The following PDE4D variants were observed in gnomAD, a reference collection of about 807,000 sequenced individuals.
The protein encoded by PDE4D is 3',5'-cyclic-AMP phosphodiesterase 4D.
PDE4D carries 24 observed loss-of-function variants against 87.4 expected under a neutral mutation model. The observed-to-expected ratio is 0.27, with a 90% confidence interval of 0.20 to 0.39. The LOEUF is 0.39. Ranked by LOEUF, PDE4D falls within the 10% of genes least tolerant of loss-of-function variation. The probability of loss-of-function intolerance (pLI) is 1.00; values close to 1 mark genes in which losing one functional copy is unlikely to be tolerated. For synonymous variants in PDE4D, 384 were observed against 383.2 expected, an observed-to-expected ratio of 1.00 and a Z score of -0.02; for missense variants, 714 against 1,041.0, an observed-to-expected ratio of 0.69 and a Z score of 4.32.
At chr5:59,781,166 CAAAAAAAAAA>C (rs11450737) in intron 1 of PDE4D, among the ~76,000 whole-genome samples, 2 of 69,120 alleles carry the variant, frequency 2.9e-5, no homozygotes, top group Non-Finnish European at 5.1e-5. Flanking sequence ...AACTCCTTCT[CAAAAAAAAAA>C]AAAAAAAAAA....
chr5:59,038,900 G>C lies in PDE4D; in HGVS notation c.880C>G (p.Leu294Val). 1 of 1,601,088 alleles carries C rather than the reference G, an allele frequency of 6.2e-7. No homozygotes were observed. The highest frequency in any genetic ancestry group is 1.1e-5 in the South Asian group (1 of 88,852). ...LDWCLDQLET[L>V]QTRHSVSEMA... ...TCACTGACGGAGTGCCTGGTCTGTA[G>C]GGTCTCTAGCTGGTCCAGACACCAG... Residue 294 changes from leucine to valine, a missense_variant, in exon 6 of 15, where the codon CTA becomes GTA. Around this residue, in one of 7 missense-constraint regions of PDE4D, gnomAD observed 90 missense variants for 177.6 expected, o/e 0.51. Coordinates refer to ENST00000340635, the MANE Select transcript of PDE4D (RefSeq NM_001104631.2).
intron 2 of PDE4D, among the ~76,000 whole-genome samples, chr5:60,109,701 G>A (rs1356807583): frequency 3.9e-5 from 6 of 152,282 alleles, no homozygotes; most frequent in Non-Finnish European, 7.3e-5. Context: ...ATGAGTTCAC[G>A]TCCTTTGTAG....
At chr5:59,499,661 T>C (rs1378798176) in intron 1 of PDE4D, among the ~76,000 whole-genome samples, 1 of 151,824 alleles carries the variant, frequency 6.6e-6, no homozygotes, top group Non-Finnish European at 1.5e-5. Context: ...GCACAAAAAC[T>C]AGAAAACCTA....
intron 5 of PDE4D, among the ~76,000 whole-genome samples, chr5:59,173,557 CATTAGATGT>C (rs949002404): frequency 3.3e-5 from 5 of 152,294 alleles, no homozygotes; most frequent in African/African-American, 1.2e-4. Context: ...ATCCGACAGT[CATTAGATGT>C]ATTAGATGCT....
At chr5:60,039,371 T>A (rs1285605930) in intron 2 of PDE4D, among the ~76,000 whole-genome samples, 5 of 143,622 alleles carry the variant, frequency 3.5e-5, no homozygotes, top group Admixed American at 7.2e-5. Context: ...CACTCATAGG[T>A]GGGAATTGAA....
At chr5:60,072,293 T>C (rs1345657630) in intron 2 of PDE4D, among the ~76,000 whole-genome samples, 3 of 152,198 alleles carry the variant, frequency 2.0e-5, no homozygotes, top group African/African-American at 7.2e-5. Flanking sequence ...TTTCATATGC[T>C]TGTTAGCTGC....
intron 1 of PDE4D, among the ~76,000 whole-genome samples, chr5:59,587,770 G>A (rs1367812005): frequency 6.6e-6 from 1 of 152,166 alleles, no homozygotes; most frequent in Non-Finnish European, 1.5e-5. Context: ...AGGGGTTAAA[G>A]GAATAGCTCG....
intron 1 of PDE4D, among the ~76,000 whole-genome samples, chr5:60,347,941 C>T (rs1758868211): frequency 1.3e-5 from 2 of 152,082 alleles, no homozygotes; most frequent in Admixed American, 6.6e-5. Flanking sequence ...TTGTTTTCTG[C>T]CGTTTTTGGA....
chr5:59,560,897 T>G (rs1350482727), intron 1 of PDE4D: 11 of 152,210 alleles, frequency 7.2e-5, no homozygotes. Context: ...GTATTTTATC[T>G]TCAGGGATCT....
At chr5:59,190,553 T>C (rs1292872340) in intron 3 of PDE4D, among the ~76,000 whole-genome samples, 5 of 152,174 alleles carry the variant, frequency 3.3e-5, no homozygotes, top group Non-Finnish European at 5.9e-5. Flanking sequence ...AATTATGGTA[T>C]ATCAGGACAA....
At chr5:59,834,962 A>T (rs527883958) in intron 1 of PDE4D, among the ~76,000 whole-genome samples, 1 of 152,130 alleles carries the variant, frequency 6.6e-6, no homozygotes, top group East Asian at 1.9e-4. Flanking sequence ...CCTCCCCATT[A>T]AAACCTGCTT....
chr5:60,157,894 TTCCTTCC>T (rs1245666624), intron 2 of PDE4D, among the ~76,000 whole-genome samples: 9 of 18,758 alleles, frequency 4.8e-4, no homozygotes, highest in East Asian at 2.4e-3. Context: ...TTTCTTTCCC[TTCCTTCC>T]TTCCTTCCTT....
intron 1 of PDE4D, among the ~76,000 whole-genome samples, chr5:59,818,150 C>A (rs530597159): frequency 6.6e-6 from 1 of 152,292 alleles, no homozygotes; most frequent in South Asian, 2.1e-4. Context: ...TCCTTAGAAG[C>A]AAATGGGATT....
At chr5:59,661,971 G>A (rs1341582753) in intron 1 of PDE4D, among the ~76,000 whole-genome samples, 2 of 152,234 alleles carry the variant, frequency 1.3e-5, no homozygotes, top group Non-Finnish European at 1.5e-5. Context: ...TCTGGGAGGG[G>A]GGATATATTG....
intron 2 of PDE4D, among the ~76,000 whole-genome samples, chr5:59,199,376 C>T (rs371255567): frequency 2.0e-5 from 3 of 151,796 alleles, no homozygotes; most frequent in African/African-American, 4.8e-5. Context: ...TACAGGTGTG[C>T]ACCACCGCGC....
intron 5 of PDE4D, among the ~76,000 whole-genome samples, chr5:59,116,847 T>C (rs1003537605): frequency 6.6e-6 from 1 of 152,220 alleles, no homozygotes; most frequent in African/African-American, 2.4e-5. Flanking sequence ...TGTGCTACTA[T>C]GATAGACGTC....
intron 1 of PDE4D, among the ~76,000 whole-genome samples, chr5:59,412,000 G>T (rs560096054): frequency 6.6e-6 from 1 of 152,214 alleles, no homozygotes; most frequent in South Asian, 2.1e-4. Context: ...AAGGTTCTTG[G>T]TTTATCAGCA....
intron 5 of PDE4D, among the ~76,000 whole-genome samples, chr5:59,159,151 C>T (rs557235897): frequency 7.3e-6 from 1 of 136,166 alleles, no homozygotes; most frequent in South Asian, 2.3e-4. Context: ...TGGTACAGTC[C>T]TGAGACTACT....
chr5:59,452,891 A>C (rs1799377235), intron 1 of PDE4D, among the ~76,000 whole-genome samples: 2 of 152,140 alleles, frequency 1.3e-5, no homozygotes, highest in Non-Finnish European at 2.9e-5. Context: ...TTAAATAGCA[A>C]AGTGACTGAA....
Sources: gnomAD v4.1 joint callset for allele counts (sites outside exome capture counted in the v4.1 genomes callset) on GRCh38, gnomAD v4.1.1 for gene constraint, gnomAD v4.1.1 regional missense constraint, MANE v1.5 for transcripts, NCBI Gene and HGNC (gene_info 2026-07-23, HGNC 2026-07-21) for gene names.